The following HDAC9 variants were observed in gnomAD, a reference collection of about 807,000 sequenced individuals.
HDAC9 encodes the protein histone deacetylase 9.
A neutral mutation model predicts 139.4 loss-of-function variants in HDAC9; 41 were observed. The observed-to-expected ratio is 0.29, with a 90% CI of 0.23 to 0.38. The LOEUF is 0.38. Among genes scored for constraint, HDAC9 ranks in the 10% least tolerant of loss-of-function variants. The pLI, the probability that HDAC9 is intolerant of heterozygous loss-of-function variation, is 1.00. For missense variants in HDAC9, 1,147 were observed against 1,297.0 expected (o/e 0.88, Z 1.78); for synonymous variants, 517 against 476.2 (o/e 1.09, Z -1.12).
At chr7:18,928,538 C>CT (rs989984341) in intron 22 of HDAC9, among the ~76,000 whole-genome samples, 85 of 152,218 alleles carry the variant, frequency 5.6e-4, no homozygotes, top group African/African-American at 1.8e-3. Context: ...ATACACTAGG[C>CT]TATTATTTGC....
intron 1 of HDAC9, among the ~76,000 whole-genome samples, chr7:18,364,871 G>GA (rs1027503338): frequency 6.6e-6 from 1 of 152,046 alleles, no homozygotes; most frequent in African/African-American, 2.4e-5. Context: ...TAATCAGGGT[G>GA]AAAAAACGTT....
intron 1 of HDAC9, among the ~76,000 whole-genome samples, chr7:18,317,110 T>C (rs1799707127): frequency 7.2e-6 from 1 of 139,348 alleles, no homozygotes; most frequent in African/African-American, 2.7e-5. Flanking sequence ...AATAAATAAA[T>C]AAATAAATAA....
chr7:18,911,677 G>T (rs1802754329), intron 22 of HDAC9, among the ~76,000 whole-genome samples: 1 of 150,954 alleles, frequency 6.6e-6, no homozygotes, highest in Non-Finnish European at 1.5e-5. Context: ...GTATCCCATG[G>T]GTTTTGGTGA....
At chr7:18,905,098 C>T (rs1252878847) in intron 22 of HDAC9, among the ~76,000 whole-genome samples, 3 of 150,780 alleles carry the variant, frequency 2.0e-5, no homozygotes, top group East Asian at 2.0e-4. Flanking sequence ...ACCATGTTGG[C>T]CAGGTTGGTC....
At chr7:18,195,436 T>C (rs1027345643) in intron 2 of HDAC9, among the ~76,000 whole-genome samples, 1 of 152,190 alleles carries the variant, frequency 6.6e-6, no homozygotes, top group Admixed American at 6.6e-5. Context: ...GATCTTAATC[T>C]TAAATGAGAT....
intron 12 of HDAC9, among the ~76,000 whole-genome samples, chr7:18,678,437 T>C (rs1035559760): frequency 2.6e-5 from 4 of 151,770 alleles, no homozygotes; most frequent in Non-Finnish European, 5.9e-5. Context: ...TTCTCTCTCT[T>C]TCTTTTGGGA....
chr7:18,552,686 G>A (rs747311796), intron 2 of HDAC9, among the ~76,000 whole-genome samples: 14 of 152,228 alleles, frequency 9.2e-5, no homozygotes, highest in Middle Eastern at 3.4e-3. Flanking sequence ...GGCATTCTTT[G>A]CCACAATGTA....
chr7:18,607,676 A>T (rs1835905955), intron 6 of HDAC9, among the ~76,000 whole-genome samples: 1 of 152,206 alleles, frequency 6.6e-6, no homozygotes, highest in South Asian at 2.1e-4. Context: ...CTAATACATG[A>T]CTATGAGCAT....
intron 22 of HDAC9, among the ~76,000 whole-genome samples, chr7:18,880,103 T>G (rs1799619665): frequency 6.6e-6 from 1 of 152,132 alleles, no homozygotes; most frequent in Non-Finnish European, 1.5e-5. Flanking sequence ...AAAGCCACAA[T>G]GAGATACCAT....
intron 1 of HDAC9, among the ~76,000 whole-genome samples, chr7:18,411,985 C>T (rs757722939): frequency 3.3e-5 from 5 of 151,800 alleles, no homozygotes; most frequent in Non-Finnish European, 7.4e-5. Flanking sequence ...ACCACTATGC[C>T]CAGCTAATGT....
intron 2 of HDAC9, among the ~76,000 whole-genome samples, chr7:18,233,426 T>C (rs1396625551): frequency 2.6e-5 from 4 of 151,980 alleles, no homozygotes; most frequent in African/African-American, 9.7e-5. Flanking sequence ...AATGAATCTT[T>C]TTGGGTCTTA....
intron 12 of HDAC9, among the ~76,000 whole-genome samples, chr7:18,724,491 G>C (rs546473708): frequency 6.6e-6 from 1 of 152,276 alleles, no homozygotes; most frequent in South Asian, 2.1e-4. Context: ...TTGCATAACT[G>C]GAAGTTGCTG....
chr7:18,620,067 G>A (rs1839801074), intron 6 of HDAC9, among the ~76,000 whole-genome samples: 1 of 152,126 alleles, frequency 6.6e-6, no homozygotes, highest in Non-Finnish European at 1.5e-5. Context: ...AGTTGCCTCA[G>A]CACTTAACAT....
At chr7:18,900,775 C>T (rs903348480) in intron 22 of HDAC9, among the ~76,000 whole-genome samples, 1 of 152,006 alleles carries the variant, frequency 6.6e-6, no homozygotes, top group African/African-American at 2.4e-5. Flanking sequence ...AGACTGGTGA[C>T]ATAAAGCAAT....
At chr7:18,722,461 C>T (rs1403948775) in intron 12 of HDAC9, among the ~76,000 whole-genome samples, 1 of 152,092 alleles carries the variant, frequency 6.6e-6, no homozygotes, top group Non-Finnish European at 1.5e-5. Flanking sequence ...AAGAGAGAAG[C>T]ATGCTCTTTC....
intron 1 of HDAC9, among the ~76,000 whole-genome samples, chr7:18,133,444 C>G (rs1785157417): frequency 6.6e-6 from 1 of 152,040 alleles, no homozygotes; most frequent in South Asian, 2.1e-4. Context: ...AACAGCATGA[C>G]TTCTTGTCAT....
chr7:18,217,728 G>A (rs1792415712), intron 2 of HDAC9, among the ~76,000 whole-genome samples: 1 of 152,188 alleles, frequency 6.6e-6, no homozygotes, highest in African/African-American at 2.4e-5. Flanking sequence ...TTTATTCTCT[G>A]ATTTTAAAAG....
intron 2 of HDAC9, among the ~76,000 whole-genome samples, chr7:18,195,763 C>T (rs1790681328): frequency 6.6e-6 from 1 of 152,082 alleles, no homozygotes; most frequent in Non-Finnish European, 1.5e-5. Context: ...CTCTTTTTTG[C>T]AGCCATATCG....
intron 1 of HDAC9, among the ~76,000 whole-genome samples, chr7:18,324,527 A>C (rs998306102): frequency 2.0e-5 from 3 of 152,134 alleles, no homozygotes; most frequent in Non-Finnish European, 4.4e-5. Context: ...AGTAAAGGAA[A>C]TAGCTTTTAA....
Sources: allele counts gnomAD v4.1 joint callset (sites outside exome capture counted in the v4.1 genomes callset), GRCh38; gene constraint gnomAD v4.1.1; transcripts MANE v1.5; gene names NCBI Gene and HGNC (gene_info 2026-07-23, HGNC 2026-07-21).